Variants in ENOX2 observed in about 807,000 individuals in gnomAD.
ENOX2 encodes APK1 antigen.
A neutral mutation model predicts 45.0 loss-of-function variants in ENOX2; 36 were observed. The observed-to-expected ratio is 0.80, with a 90% CI of 0.61 to 1.06. The LOEUF (loss-of-function observed/expected upper bound fraction) is 1.06, where lower values mean the gene tolerates loss of function less well. Among genes scored for constraint, ENOX2 ranks in the 50% least tolerant of loss-of-function variants. The probability of loss-of-function intolerance (pLI) is 0.00; values close to 1 mark genes in which losing one functional copy is unlikely to be tolerated. For missense variants in ENOX2, 423 were observed against 462.5 expected (o/e 0.91, Z 0.78); for synonymous variants, 174 against 152.3 (o/e 1.14, Z -1.05).
chrX:130,873,273 G>T (rs2078633944), intron 2 of ENOX2, among the ~76,000 whole-genome samples: 1 of 112,296 alleles, frequency 8.9e-6, no homozygotes, highest in Non-Finnish European at 1.9e-5. Flanking sequence ...CATTTATGCA[G>T]CCAACAAACA....
chrX:130,750,887 C>T (rs1342575522), intron 3 of ENOX2, among the ~76,000 whole-genome samples: 3 of 110,919 alleles, frequency 2.7e-5, no homozygotes, highest in Admixed American at 9.6e-5. Context: ...TGACTCTATT[C>T]GTACCTCTCT....
intron 2 of ENOX2, among the ~76,000 whole-genome samples, chrX:130,828,934 A>G (rs972945464): frequency 9.0e-6 from 1 of 111,679 alleles, no homozygotes; most frequent in East Asian, 2.8e-4. Flanking sequence ...GGTTCTATTA[A>G]CCCACTATCA....
chrX:130,846,428 C>T (rs1289842254), intron 2 of ENOX2, among the ~76,000 whole-genome samples: 1 of 109,984 alleles, frequency 9.1e-6, no homozygotes, highest in Non-Finnish European at 1.9e-5. Flanking sequence ...ACCTCTGCCT[C>T]CCGGATTCAA....
chrX:130,631,370 T>C (rs913685324), intron 13 of ENOX2, 98 bp downstream of exon 13: 1 of 520,953 alleles, frequency 1.9e-6, no homozygotes, highest in Non-Finnish European at 3.4e-6. Context: ...CCATGCTTCA[T>C]AAATGCTTGG....
At position 130,903,158 on chromosome X, in the gene ENOX2, A is replaced by C. The variant is rs901953314; in HGVS notation, c.-340T>G. The C allele has an allele frequency of 8.0e-5, 9 of 111,938 alleles. No homozygotes were observed. The Admixed American group carries it at 8.4e-4, about 10-fold the overall frequency. The allele number at this position is 111,938 out of a possible 1,213,427, so 9.2% of individuals were successfully genotyped here. The stretch of plus-strand genomic sequence containing the variant: ...CCCTCGCGGCGCCCCACGCCGCGCC[A>C]CTCTCTTCCGAAATGCCCGCCTCGC... On this transcript the variant is annotated 5_prime_UTR_variant, in exon 1 of 15. Transcript: ENST00000394363.
intron 3 of ENOX2, among the ~76,000 whole-genome samples, chrX:130,749,329 C>T (rs1433941978): frequency 9.0e-6 from 1 of 111,570 alleles, no homozygotes; most frequent in African/African-American, 3.3e-5. Flanking sequence ...GAATTCTAAA[C>T]TATGAAAACA....
chrX:130,744,729 G>C (rs1208359346), intron 3 of ENOX2, among the ~76,000 whole-genome samples: 1 of 111,646 alleles, frequency 9.0e-6, no homozygotes, highest in East Asian at 2.8e-4. Context: ...AATTTACAGA[G>C]CTGTAACTTC....
chrX:130,679,772 T>C, intron 5 of ENOX2, 24 bp from the exon 6 acceptor site: 1 of 1,122,572 alleles, frequency 8.9e-7, no homozygotes, highest in African/African-American at 1.8e-5. Context: ...GCAAAAACAT[T>C]TGAAATTAAA....
intron 11 of ENOX2, among the ~76,000 whole-genome samples, chrX:130,636,818 T>C (rs895127161): frequency 1.8e-5 from 2 of 112,167 alleles, no homozygotes; most frequent in Non-Finnish European, 3.8e-5. Flanking sequence ...ATTCCTGCCA[T>C]TCCTTTTAAA....
chrX:130,735,977 G>A (rs188012938), intron 3 of ENOX2, among the ~76,000 whole-genome samples: 57 of 112,104 alleles, frequency 5.1e-4, no homozygotes, highest in African/African-American at 1.8e-3. Context: ...TTCTCTCTGG[G>A]TGTTGTGATT....
intron 10 of ENOX2, among the ~76,000 whole-genome samples, chrX:130,641,718 CAAAAAA>C (rs753792308): frequency 8.6e-5 from 3 of 34,717 alleles, no homozygotes; most frequent in Admixed American, 3.8e-4. Flanking sequence ...ACTCCATCTC[CAAAAAA>C]AAAAAAAAAA....
chrX:130,864,459 A>C (rs750341007), intron 2 of ENOX2, among the ~76,000 whole-genome samples: 15 of 111,647 alleles, frequency 1.3e-4, no homozygotes, highest in Non-Finnish European at 2.4e-4. Context: ...ATTCAGCTAA[A>C]CCATTTCCAG....
intron 2 of ENOX2, among the ~76,000 whole-genome samples, chrX:130,848,789 G>A (rs2078156577): frequency 9.0e-6 from 1 of 110,532 alleles, no homozygotes; most frequent in South Asian, 3.8e-4. Context: ...GAGTGAGACT[G>A]TCAAAAACAA....
intron 3 of ENOX2, among the ~76,000 whole-genome samples, chrX:130,727,501 T>C (rs150232462): frequency 1.8e-5 from 2 of 112,470 alleles, no homozygotes; most frequent in Admixed American, 1.9e-4. Context: ...AGTGGTAGAA[T>C]GAGAATTCTA....
intron 2 of ENOX2, among the ~76,000 whole-genome samples, chrX:130,819,716 G>A (rs1173724184): frequency 9.0e-6 from 1 of 111,266 alleles, no homozygotes; most frequent in East Asian, 2.8e-4. Context: ...ACACACTGGG[G>A]CCTGTCAGCG....
At chrX:130,860,559 T>G (rs767888810) in intron 2 of ENOX2, among the ~76,000 whole-genome samples, 20 of 111,598 alleles carry the variant, frequency 1.8e-4, no homozygotes, top group African/African-American at 5.9e-4. Flanking sequence ...ACCTCCTTCC[T>G]CAGAAGGAAA....
chrX:130,870,176 C>T (rs1377271494), intron 2 of ENOX2, among the ~76,000 whole-genome samples: 2 of 110,787 alleles, frequency 1.8e-5, no homozygotes, highest in Non-Finnish European at 3.8e-5. Context: ...AGGCTTAAAC[C>T]CACTTCATAA....
rs746168032 is a variant in ENOX2, at chrX:130,808,409, C to T, written c.-182-24719G>A. 3.6e-5 allele frequency among the ~76,000 whole-genome samples: 4 copies of T among 111,420 alleles called. No individual in the cohort carries two copies. In the South Asian group the frequency reaches 1.5e-3, roughly 42 times the overall value. The stretch of plus-strand genomic sequence containing the variant: ...CAAAAACTAAGACTTCTTTACATAG[C>T]CCCTTCTAATCTTGGGATATAAAGG... On this transcript the variant is annotated intron_variant, in intron 2 of 14. Transcript: ENST00000394363.
intron 2 of ENOX2, among the ~76,000 whole-genome samples, chrX:130,848,434 A>G (rs2078151566): frequency 8.9e-6 from 1 of 112,463 alleles, no homozygotes; most frequent in Non-Finnish European, 1.9e-5. Context: ...CCAAATGGAG[A>G]ATGGATTTCT....
Sources: allele counts gnomAD v4.1 joint callset (sites outside exome capture counted in the v4.1 genomes callset), GRCh38; gene constraint gnomAD v4.1.1; transcripts MANE v1.5; gene names NCBI Gene and HGNC (gene_info 2026-07-23, HGNC 2026-07-21).